Variants in COL17A1 observed in about 807,000 individuals in gnomAD.
COL17A1 encodes the protein collagen alpha-1(XVII) chain.
Under a neutral mutation model 218.4 loss-of-function variants are expected in COL17A1, and 181 were observed. The observed-to-expected ratio is 0.83, with a 90% CI of 0.73 to 0.94. COL17A1 has a LOEUF of 0.94. COL17A1 is among the 40% of genes least tolerant of loss of function. COL17A1 has a pLI of 0.00. For synonymous variants in COL17A1, 721 were observed against 731.0 expected, an observed-to-expected ratio of 0.99 and a Z score of 0.22; for missense variants, 1,924 against 1,945.9, an observed-to-expected ratio of 0.99 and a Z score of 0.21.
chr10:104,052,070 G>T (rs907115769), intron 24 of COL17A1, 85 bp downstream of exon 24: 3 of 1,584,502 alleles, frequency 1.9e-6, no homozygotes, highest in African/African-American at 2.7e-5. Flanking sequence ...GCTGTCTGGG[G>T]TCCCAGGGCC....
chr10:104,045,651 A>G (rs2086401276), intron 33 of COL17A1, 107 bp downstream of exon 33: 1 of 960,620 alleles, frequency 1.0e-6, no homozygotes, highest in Non-Finnish European at 1.7e-6. Flanking sequence ...ACTAGATGCC[A>G]CTGTTGATCC....
rs2134558148 is a variant in COL17A1 at position 104,032,019 on chromosome 10, T to TA, written c.*215dup. The TA allele has an allele frequency of 4.9e-6, 3 of 609,144 alleles. No homozygotes were observed. Among genetic ancestry groups the TA allele is most frequent in the Non-Finnish European group, 8.8e-6 (3 of 341,424 alleles). The allele number at this position is 609,144 out of a possible 1,614,324, so 37.7% of individuals were successfully genotyped here. Reference sequence around the variant, plus strand: ...CATTCTAAAACATTGCAACTACTGTTAGAGTCCACCCCATGAAGCTGTTTC... The same window carrying TA: ...CATTCTAAAACATTGCAACTACTGTTAAGAGTCCACCCCATGAAGCTGTTTC... On this transcript the variant is annotated 3_prime_UTR_variant, in exon 56 of 56. Transcript: ENST00000648076.
chr10:104,049,363 C>G, intron 29 of COL17A1, 46 bp downstream of exon 29: 1 of 1,580,150 alleles, frequency 6.3e-7, no homozygotes, highest in South Asian at 1.1e-5. Flanking sequence ...TCGTGGTGAC[C>G]CCTCAGATGG....
At chr10:104,080,483 G>T in intron 2 of COL17A1, 139 bp downstream of exon 2, 1 of 964,120 alleles carries the variant, frequency 1.0e-6, no homozygotes, top group Non-Finnish European at 1.6e-6. Context: ...TTATGAGAAG[G>T]ATTAAAGTCC....
rs1439292418 is a variant in COL17A1 at position 104,059,275 on chromosome 10, C to T, written c.1222+363G>A. 2.8e-5 allele frequency: 9 copies of T among 318,344 alleles called. No homozygotes were observed. The East Asian group carries it at 3.1e-4, about 11-fold the overall frequency. 19.7% of individuals were successfully genotyped at this position (318,344 alleles called of 1,614,324 possible). A position where few individuals can be genotyped will look rare whatever the true frequency, so the allele number is the denominator to read the frequency against. ...AGAAATGTGGTTATCAGACAAAGAA[C>T]GCAGATATTTGGGAAGAAAAAAAAA... On this transcript the variant is annotated intron_variant, in intron 15 of 55. Coordinates refer to ENST00000648076, the MANE Select transcript of COL17A1 (RefSeq NM_000494.4).
At chr10:104,036,162 GTA>G (rs1564671481) in intron 48 of COL17A1, among the ~76,000 whole-genome samples, 12 of 144,200 alleles carry the variant, frequency 8.3e-5, no homozygotes, top group Non-Finnish European at 1.2e-4. Context: ...GGGAGTGTGA[GTA>G]TGGGTGTGTG....
chr10:104,062,936 G>A lies in COL17A1; in HGVS notation c.839-607C>T, dbSNP rs140762978. Among the ~76,000 whole-genome samples the A allele has an allele frequency of 3.3e-3, 500 of 152,330 alleles. 1 individual carries two copies. The highest frequency in any genetic ancestry group is 0.011 in the African/African-American group (441 of 41,572). On this transcript the variant is annotated intron_variant, in intron 11 of 55. Transcript: ENST00000648076. ...TTTAGGGCACAATATCAAGGATCTG[G>A]TATCAGCCCACCTTCCCTTGGGACC...
At chr10:104,068,096 G>C (rs2086641939) in intron 9 of COL17A1, among the ~76,000 whole-genome samples, 1 of 152,122 alleles carries the variant, frequency 6.6e-6, no homozygotes, top group African/African-American at 2.4e-5. Flanking sequence ...GCAGGGCCCT[G>C]GTAGTGAGCA....
chr10:104,070,431 T>C lies in COL17A1; in HGVS notation c.602A>G (p.Gln201Arg), dbSNP rs757255510. The C allele has an allele frequency of 9.9e-6, 16 of 1,613,518 alleles. No individual in the cohort carries two copies. The highest frequency in any genetic ancestry group is 8.5e-6 in the Non-Finnish European group (10 of 1,180,032). The change falls in exon 9 of 56, where the codon CAG becomes CGG. Residue 201 changes from glutamine (Q) to arginine (R), a missense_variant. By Grantham distance (43) the Gln-to-Arg change is conservative (BLOSUM62 1). Transcript: ENST00000648076. ...GCCTGGGCTGTCAGACTTACCCGAC[T>C]GGGAGCTCGCTGTCACAATTTTGGT... ...VETKIVTASS[Q>R]SVSGTYDATI...
Position 104,056,994 on chromosome 10 carries a change from G to C in COL17A1, c.1446C>G (p.Leu482=), listed in dbSNP as rs545172681. ...LLTWLLLLGL[L]FGLIALAEEV... ...ACGTACCCAGAGCAATGAGGCCGAA[G>C]AGCAGCCCCAGGAGTAGCAGCCAGG... is the stretch of plus-strand genomic sequence containing the variant. The change falls in exon 17 of 56, where the codon CTC becomes CTG. Residue 482 remains leucine (L), a synonymous_variant. Coordinates refer to ENST00000648076, the MANE Select transcript of COL17A1 (RefSeq NM_000494.4). The C allele has an allele frequency of 6.3e-7, 1 of 1,583,796 alleles. No homozygotes were observed. The highest frequency in any genetic ancestry group is 1.8e-5 in the Admixed American group (1 of 54,902).
At chr10:104,085,048 G>A (rs1322322534) in intron 1 of COL17A1, among the ~76,000 whole-genome samples, 1 of 152,116 alleles carries the variant, frequency 6.6e-6, no homozygotes, top group Admixed American at 6.5e-5. Context: ...TTGGCAGGAG[G>A]AAACCCAAGT....
At chr10:104,046,494 C>T (rs368648817) in intron 32 of COL17A1, among the ~76,000 whole-genome samples, 8 of 152,252 alleles carry the variant, frequency 5.3e-5, no homozygotes, top group African/African-American at 1.2e-4. Flanking sequence ...TTCCTGCACC[C>T]GAGGGGAACA....
intron 20 of COL17A1, 119 bp from the exon 21 acceptor site, chr10:104,054,237 TC>T: frequency 1.1e-6 from 1 of 939,568 alleles, no homozygotes; most frequent in Non-Finnish European, 1.7e-6. Context: ...AATGCAGATG[TC>T]CAGTTACATT....
intron 45 of COL17A1, 80 bp from the exon 46 acceptor site, chr10:104,037,853 GAT>G: frequency 6.5e-7 from 1 of 1,546,840 alleles, no homozygotes; most frequent in Non-Finnish European, 8.8e-7. Context: ...TGAAGCACAT[GAT>G]AACATGCCTG....
Position 104,040,393 on chromosome 10 carries a change from G to T in COL17A1, c.2719C>A (p.Pro907Thr). The change falls in exon 40 of 56, where the codon CCC becomes ACC. Residue 907 changes from proline to threonine, a missense_variant. By Grantham distance (38) the Pro-to-Thr change is conservative. Transcript: ENST00000648076. ...LSNSETFLSG[P>T]PGPPGPPGPK... is the part of the protein sequence containing the mutation. ...CCTGGGGGGCCAGGTGGGCCTGGGGGGCCGGAGAGGAAGGTTTCTGCAGAG... is the reference window on the plus strand; with the variant it reads ...CCTGGGGGGCCAGGTGGGCCTGGGGTGCCGGAGAGGAAGGTTTCTGCAGAG... 6.2e-7 allele frequency: 1 copy of T among 1,610,776 alleles called. No homozygotes were observed. Among genetic ancestry groups the T allele is most frequent in the South Asian group, 1.1e-5 (1 of 90,998 alleles).
chr10:104,032,346 C>T, intron 55 of COL17A1, 56 bp from the exon 56 acceptor site: 2 of 1,525,106 alleles, frequency 1.3e-6, no homozygotes, highest in Non-Finnish European at 1.8e-6. Flanking sequence ...CTGTGGGGAT[C>T]TTGGCTTGGG....
In COL17A1 at chr10:104,034,258, G is replaced by A; in HGVS notation, c.3843C>T (p.Leu1281=). The A allele has an allele frequency of 1.2e-6, 2 of 1,606,040 alleles. No homozygotes were observed. The highest frequency in any genetic ancestry group is 1.7e-5 in the Admixed American group (1 of 59,300). Residue 1281 remains leucine, a synonymous_variant, in exon 52 of 56, where the codon CTC becomes CTT. Transcript: ENST00000648076. ...GPQGPPGDSR[L]LSTDASHSRG... ...GACTGTGGGAGGCATCCGTGGACAG[G>A]AGGCGGCTGTCCCCAGGGGGTCCCT...
chr10:104,078,663 G>C, intron 2 of COL17A1, 77 bp from the exon 3 acceptor site: 1 of 1,584,536 alleles, frequency 6.3e-7, no homozygotes, highest in South Asian at 1.1e-5. Flanking sequence ...TCTAAGCTCT[G>C]TCACAGGCTA....
rs995130818 is a variant in COL17A1 at position 104,058,023 on chromosome 10, T to C, written c.1267+123A>G. On this transcript the variant is annotated intron_variant, in intron 16 of 55. Coordinates refer to ENST00000648076, the MANE Select transcript of COL17A1 (RefSeq NM_000494.4). ...CTCCCTTCTGAGCCTTTAGGGAAAC[T>C]CTTTAGAGTCTGGTGGCTTCTGTGC... 7.7e-6 allele frequency: 11 copies of C among 1,433,622 alleles called. No homozygotes were observed. The Admixed American group carries it at 7.8e-5, about 10-fold the overall frequency. 88.8% of individuals were successfully genotyped at this position (1,433,622 alleles called of 1,614,324 possible).
Sources: allele counts gnomAD v4.1 joint callset (sites outside exome capture counted in the v4.1 genomes callset), GRCh38; gene constraint gnomAD v4.1.1; transcripts MANE v1.5; gene names NCBI Gene and HGNC (gene_info 2026-07-23, HGNC 2026-07-21).